SDK2: variants seen among roughly 807,000 people sequenced by gnomAD.
SDK2 encodes the protein sidekick cell adhesion molecule 2.
A neutral mutation model predicts 253.9 loss-of-function variants in SDK2; 105 were observed. That is an observed-to-expected ratio of 0.41 (90% CI 0.35 to 0.49). The LOEUF is 0.49. SDK2 is among the 20% of genes least tolerant of loss of function. SDK2 has a pLI of 0.06. For synonymous variants in SDK2, 1,249 were observed against 1,234.9 expected, an observed-to-expected ratio of 1.01 and a Z score of -0.24; for missense variants, 2,608 against 3,003.0, an observed-to-expected ratio of 0.87 and a Z score of 3.07.
rs575312514 is a variant in SDK2 at position 73,412,964 on chromosome 17, G to A, written c.2484+1680C>T. Among the ~76,000 whole-genome samples the A allele has an allele frequency of 5.6e-4, 86 of 152,216 alleles. 2 individuals carry two copies. The South Asian group carries it at 7.3e-3, about 13-fold the overall frequency. ...CCAACCCTGCCCACACAGTAATCCC[G>A]TACTTCTAATCCCCAGAACTGTGCA... On this transcript the variant is annotated intron_variant, in intron 18 of 44. Transcript: ENST00000392650.
intron 1 of SDK2, among the ~76,000 whole-genome samples, chr17:73,626,395 G>A (rs2046202657): frequency 1.3e-5 from 2 of 152,302 alleles, no homozygotes; most frequent in South Asian, 2.1e-4. Context: ...GCAAATGCAC[G>A]GCGCCCAGCT....
chr17:73,355,351 T>C (rs1026618052), intron 40 of SDK2, among the ~76,000 whole-genome samples: 1 of 149,382 alleles, frequency 6.7e-6, no homozygotes, highest in Middle Eastern at 3.4e-3. Context: ...CTAACTTATT[T>C]ATTTATTTAT....
intron 1 of SDK2, among the ~76,000 whole-genome samples, chr17:73,552,512 C>T (rs987070279): frequency 1.3e-5 from 2 of 152,158 alleles, no homozygotes; most frequent in Non-Finnish European, 2.9e-5. Context: ...GATGGCCGAG[C>T]GGTCAGTGGT....
intron 2 of SDK2, among the ~76,000 whole-genome samples, chr17:73,493,596 G>T (rs1288937334): frequency 6.6e-6 from 1 of 152,232 alleles, no homozygotes; most frequent in African/African-American, 2.4e-5. Context: ...CCCTGGACTT[G>T]TCACTTTACC....
chr17:73,367,131 G>A (rs1247276624), intron 37 of SDK2, among the ~76,000 whole-genome samples: 1 of 152,120 alleles, frequency 6.6e-6, no homozygotes, highest in African/African-American at 2.4e-5. Flanking sequence ...AGCCTCCTGA[G>A]TAGCTGGGAT....
chr17:73,635,022 G>C (rs1259811184), intron 1 of SDK2, among the ~76,000 whole-genome samples: 1 of 150,684 alleles, frequency 6.6e-6, no homozygotes, highest in East Asian at 2.0e-4. Context: ...GTCTCACTCT[G>C]TACCCCAGGC....
rs1442011243 is a variant in SDK2, at chr17:73,424,001, T to C, written c.1675A>G (p.Thr559Ala). ...TACGTGCCGATGTCTCCCGACCACG[T>C]CTGTGAGATGTGCAGGGAGCCGTTT... Reference protein sequence around the residue: ...DRNGSLHISQTWSGDIGTYTC... With the variant: ...DRNGSLHISQAWSGDIGTYTC... Residue 559 changes from threonine to alanine, a missense_variant, in exon 13 of 45, where the codon ACG (threonine) becomes GCG (alanine). Coordinates refer to ENST00000392650, the MANE Select transcript of SDK2 (RefSeq NM_001144952.2). The C allele has an allele frequency of 6.2e-7, 1 of 1,611,812 alleles. No individual in the cohort carries two copies. Among genetic ancestry groups the C allele is most frequent in the South Asian group, 1.1e-5 (1 of 90,534 alleles).
rs769438071 is a variant in SDK2, at chr17:73,395,384, C to T, written c.3363G>A (p.Pro1121=). The T allele has an allele frequency of 2.0e-5, 32 of 1,613,584 alleles. No homozygotes were observed. Among genetic ancestry groups the T allele is most frequent in the African/African-American group, 5.3e-5 (4 of 74,886 alleles). The stretch of plus-strand genomic sequence containing the variant: ...CAGGGTTCCCATTGTATTCCATCTC[C>T]GGGAGAGGCTGCAGCGGGGCAGGGG... The part of the protein sequence containing the change: ...TSLWLRWMPL[P]EMEYNGNPES... Residue 1121 remains proline, a synonymous_variant, in exon 25 of 45, where the codon CCG becomes CCA. Coordinates refer to ENST00000392650, the MANE Select transcript of SDK2 (RefSeq NM_001144952.2). The surrounding 1 kb of genome is among the most constrained non-coding windows in gnomAD (Gnocchi z 4.3).
At chr17:73,602,314 A>G (rs1235078904) in intron 1 of SDK2, among the ~76,000 whole-genome samples, 3 of 152,120 alleles carry the variant, frequency 2.0e-5, no homozygotes, top group African/African-American at 7.2e-5. Flanking sequence ...GAAGAAAGCG[A>G]GGGCTGCGAG....
At chr17:73,360,241 G>A (rs931648468) in intron 39 of SDK2, among the ~76,000 whole-genome samples, 2 of 152,354 alleles carry the variant, frequency 1.3e-5, no homozygotes, top group East Asian at 1.9e-4. Flanking sequence ...CCTCCTGCAG[G>A]CTTTGTCCTG....
In SDK2 at chr17:73,390,436, G is replaced by A; in HGVS notation, c.4043C>T (p.Ala1348Val). 1 of 1,612,722 alleles carries A rather than the reference G, an allele frequency of 6.2e-7. No homozygotes were observed. The highest frequency in any genetic ancestry group is 1.1e-5 in the South Asian group (1 of 90,840). Residue 1348 changes from alanine to valine, a missense_variant, in exon 29 of 45, where the codon GCC becomes GTC. Transcript: ENST00000392650. ...GCTGGGTGCCAGCACCTCCACAGTG[G>A]CGGTGTTGGCCGTGGTGGTGTTGAG... is the stretch of plus-strand genomic sequence containing the variant. Reference protein sequence around the residue: ...HRLNTTTANTATVEVLAPSAR... With the variant: ...HRLNTTTANTVTVEVLAPSAR...
At position 73,612,681 on chromosome 17, in the gene SDK2, A is replaced by C. The variant is rs1017277567; in HGVS notation, c.64+31344T>G. Among the ~76,000 whole-genome samples the C allele has an allele frequency of 6.6e-6, 1 of 152,096 alleles. No individual in the cohort carries two copies. The highest frequency in any genetic ancestry group is 2.4e-5 in the African/African-American group (1 of 41,418). ...CACCTGTAATCCCAGCATTTTGGGA[A>C]GCCCAGGCGGGCAGATCACAAGGTC... On this transcript the variant is annotated intron_variant, in intron 1 of 44. Transcript: ENST00000392650. This position sits in a 1 kb window ranked among gnomAD's most constrained non-coding sequence, Gnocchi z 4.4.
chr17:73,578,663 G>T (rs2045491029), intron 1 of SDK2, among the ~76,000 whole-genome samples: 1 of 152,158 alleles, frequency 6.6e-6, no homozygotes, highest in Non-Finnish European at 1.5e-5. Flanking sequence ...GGAGCCCTTG[G>T]CACAGAGGAC....
intron 1 of SDK2, among the ~76,000 whole-genome samples, chr17:73,591,365 T>C (rs1202060077): frequency 1.3e-5 from 2 of 152,126 alleles, no homozygotes; most frequent in Non-Finnish European, 2.9e-5. Context: ...GCCTTCCCTA[T>C]TGAGGTTAAC....
chr17:73,618,163 G>C lies in SDK2; in HGVS notation c.64+25862C>G, dbSNP rs1242980625. ...AGATAGGTTTCCTTACCTGCAGGTA[G>C]GGAAATGGTAATTTGCTAACCCAAA... On this transcript the variant is annotated intron_variant, in intron 1 of 44. Transcript: ENST00000392650. This position sits in a 1 kb window ranked among gnomAD's most constrained non-coding sequence, Gnocchi z 4.1. Among the ~76,000 whole-genome samples the C allele has an allele frequency of 6.6e-6, 1 of 152,202 alleles. No homozygotes were observed. The highest frequency in any genetic ancestry group is 1.5e-5 in the Non-Finnish European group (1 of 68,026).
Position 73,399,149 on chromosome 17 carries a change from G to A in SDK2, c.3093+19C>T, listed in dbSNP as rs765349782. 13 of 1,612,698 alleles carry A rather than the reference G, an allele frequency of 8.1e-6. No individual in the cohort carries two copies. The South Asian group carries it at 1.2e-4, about 15-fold the overall frequency. Reference sequence around the variant, plus strand: ...GTGCCCTGGCGGGGGCTGCTGGTCAGGCCCCAGGCCTGCCCTACCTGGGCT... The same window carrying A: ...GTGCCCTGGCGGGGGCTGCTGGTCAAGCCCCAGGCCTGCCCTACCTGGGCT... On this transcript the variant is annotated intron_variant, in intron 22 of 44. Transcript: ENST00000392650.
chr17:73,485,424 G>C (rs563552740), intron 2 of SDK2, among the ~76,000 whole-genome samples: 2 of 152,328 alleles, frequency 1.3e-5, no homozygotes, highest in South Asian at 4.1e-4. Context: ...GCCAGAGAAA[G>C]AGCCTGGCTG....
chr17:73,508,906 T>C (rs2063955833), intron 1 of SDK2, among the ~76,000 whole-genome samples: 1 of 152,232 alleles, frequency 6.6e-6, no homozygotes, highest in Admixed American at 6.5e-5. Context: ...GAGTGGGTTC[T>C]AGAAAGCACC....
intron 39 of SDK2, among the ~76,000 whole-genome samples, chr17:73,358,677 G>A (rs374664277): frequency 2.4e-4 from 37 of 152,182 alleles, no homozygotes; most frequent in East Asian, 2.3e-3. Flanking sequence ...TGGTCGGAGC[G>A]GGGCTGAAGA....
Sources: gnomAD v4.1 joint callset for allele counts (sites outside exome capture counted in the v4.1 genomes callset) on GRCh38, gnomAD v4.1.1 for gene constraint, Gnocchi (gnomAD v3.1) non-coding constraint, MANE v1.5 for transcripts, NCBI Gene and HGNC (gene_info 2026-07-23, HGNC 2026-07-21) for gene names.